POLE: variants seen among roughly 807,000 people sequenced by gnomAD.
POLE encodes DNA polymerase epsilon, catalytic subunit, also known as DNA polymerase epsilon catalytic subunit A.
Under a neutral mutation model 279.2 loss-of-function variants are expected in POLE, and 188 were observed. The ratio of observed to expected loss-of-function variants is 0.67; its 90% CI spans 0.60 to 0.76. The LOEUF (loss-of-function observed/expected upper bound fraction) is 0.76, where lower values mean the gene tolerates loss of function less well. Ranked by LOEUF, POLE falls within the 30% of genes least tolerant of loss-of-function variation. The pLI is 0.00. For missense variants in POLE, 2,703 were observed against 3,016.7 expected, an observed-to-expected ratio of 0.90 and a Z score of 2.44; for synonymous variants, 1,214 against 1,172.5, an observed-to-expected ratio of 1.04 and a Z score of -0.72.
chr12:132,624,690 GGGCT>G lies in POLE; in HGVS notation c.*3_*6del. 1 of 1,576,322 alleles carries G rather than the reference GGGCT, an allele frequency of 6.3e-7. No individual in the cohort carries two copies. Among genetic ancestry groups the G allele is most frequent in the Non-Finnish European group, 8.7e-7 (1 of 1,146,328 alleles). On this transcript the variant is annotated 3_prime_UTR_variant, in exon 49 of 49. Transcript: ENST00000320574. ...CGGACGCAGAGGCACCCGGGGCCCG[GGGCT>G]GGCTAATGGCCCAGCTGTGGGTTCT...
chr12:132,632,262 C>T, intron 45 of POLE, 53 bp downstream of exon 45: 1 of 1,414,370 alleles, frequency 7.1e-7, no homozygotes, highest in Non-Finnish European at 9.9e-7. Flanking sequence ...AACATTCTCG[C>T]CTTACACATG....
intron 20 of POLE, 144 bp downstream of exon 20, chr12:132,667,359 C>A (rs2042819638): frequency 1.2e-6 from 1 of 865,372 alleles, no homozygotes; most frequent in East Asian, 2.5e-5. Flanking sequence ...ATCAACTCTT[C>A]CAAGTCAAAA....
At chr12:132,640,116 C>T (rs886603942) in intron 39 of POLE, among the ~76,000 whole-genome samples, 3 of 152,170 alleles carry the variant, frequency 2.0e-5, no homozygotes, top group Non-Finnish European at 4.4e-5. Context: ...TTCAGGCGCT[C>T]GCCCGTGAAC....
At chr12:132,654,722 G>GT (rs1329782642) in intron 29 of POLE, among the ~76,000 whole-genome samples, 3 of 152,096 alleles carry the variant, frequency 2.0e-5, no homozygotes, top group Admixed American at 6.5e-5. Flanking sequence ...AGCCTGGGAG[G>GT]TCAAGGCTGC....
At position 132,643,836 on chromosome 12, in the gene POLE, C is replaced by A; in HGVS notation, c.4290+1G>T. ...TCAGTCGAGGGTGGCTGGGGAGTCA[C>A]CTGAGTCTCATATACGCCCTCGATG... On this transcript the variant is annotated splice_donor_variant, in intron 33 of 48. Coordinates refer to ENST00000320574, the MANE Select transcript of POLE (RefSeq NM_006231.4). LOFTEE classifies it high-confidence loss of function. 6.2e-7 allele frequency: 1 copy of A among 1,613,250 alleles called. No homozygotes were observed. Among genetic ancestry groups the A allele is most frequent in the South Asian group, 1.1e-5 (1 of 91,058 alleles).
At chr12:132,659,818 A>C (rs909289300) in intron 25 of POLE, 10 of 309,474 alleles carry the variant, frequency 3.2e-5, no homozygotes, top group African/African-American at 1.9e-4. Context: ...CAGCCTCCCA[A>C]GTAGCTGAGA....
Position 132,679,957 on chromosome 12 carries a change from G to C in POLE, c.420C>G (p.Asp140Glu). 2.5e-6 allele frequency: 4 copies of C among 1,609,504 alleles called. No homozygotes were observed. In the South Asian group the frequency reaches 3.3e-5, roughly 13 times the overall value. The stretch of plus-strand genomic sequence containing the variant: ...GGAAAGTCTGGGTGATACTCACCAA[G>C]TCCAGATCCTCTTTGGGGACAGTCT... ...KVETVPKEDL[D>E]LPNHLVGLKR... Residue 140 changes from aspartate to glutamate, a missense_variant, in exon 5 of 49, where the codon GAC becomes GAG. Around this residue, in one of 5 missense-constraint regions of POLE, gnomAD observed 1,011 missense variants for 1,111.7 expected, o/e 0.91. Transcript: ENST00000320574.
chr12:132,640,986 G>A (rs1343229920), intron 39 of POLE: 2 of 456,534 alleles, frequency 4.4e-6, no homozygotes, highest in Non-Finnish European at 8.8e-6. Flanking sequence ...TACAGGCTCT[G>A]GAATTACAAA....
At position 132,632,469 on chromosome 12, in the gene POLE, A is replaced by C; in HGVS notation, c.6176T>G (p.Leu2059Arg). The change falls in exon 45 of 49, where the codon CTC (leucine) becomes CGC (arginine). Residue 2059 changes from leucine (L) to arginine (R), a missense_variant. Around this residue, in one of 5 missense-constraint regions of POLE, gnomAD observed 1,551 missense variants for 1,686.1 expected, o/e 0.92. Transcript: ENST00000320574. ...AGTGATGGTGAAGAAGCTCTGAGTG[A>C]GCTCATTTGCGACATAATCCTGAGA... ...TFSQDYVANE[L>R]TQSFFTITQK... The C allele has an allele frequency of 6.2e-7, 1 of 1,614,128 alleles. No individual in the cohort carries two copies. Among genetic ancestry groups the C allele is most frequent in the Non-Finnish European group, 8.5e-7 (1 of 1,179,986 alleles).
chr12:132,631,706 C>T lies in POLE; in HGVS notation c.6330+609G>A, dbSNP rs5745038. Among the ~76,000 whole-genome samples, 1,129 of 152,234 alleles carry T rather than the reference C, an allele frequency of 7.4e-3. 10 individuals are homozygous for T. Among genetic ancestry groups the T allele is most frequent in the South Asian group, 0.029 (139 of 4,822 alleles). On this transcript the variant is annotated intron_variant, in intron 45 of 48. Transcript: ENST00000320574. The stretch of plus-strand genomic sequence containing the variant: ...AGAAAGGCCTCAGCATCCGAGCAAG[C>T]TCTCATCTCATCAGCTCTGGGTCCT...
rs185007245 is a variant in POLE, at chr12:132,669,585, A to T, written c.1795-646T>A. Among the ~76,000 whole-genome samples, 66 of 152,364 alleles carry T rather than the reference A, an allele frequency of 4.3e-4. 1 individual carries two copies. The highest frequency in any genetic ancestry group is 2.9e-5 in the Non-Finnish European group (2 of 68,042). On this transcript the variant is annotated intron_variant, in intron 16 of 48. Coordinates refer to ENST00000320574, the MANE Select transcript of POLE (RefSeq NM_006231.4). ...AATAACATCTATTCCATAGAACAGGAAATACCACAACAGTAACACCTATTG... is the reference window on the plus strand; with the variant it reads ...AATAACATCTATTCCATAGAACAGGTAATACCACAACAGTAACACCTATTG...
Position 132,639,032 on chromosome 12 carries a change from G to C in POLE, c.5552+93C>G. On this transcript the variant is annotated intron_variant, in intron 40 of 48. Transcript: ENST00000320574. This position sits in a 1 kb window ranked among gnomAD's most constrained non-coding sequence, Gnocchi z 4.7. ...ACTCAGAAATACACTACTTATCCCA[G>C]AGGCACTGGCTGGCCATGTCTCTGG... The C allele has an allele frequency of 1.9e-6, 2 of 1,053,160 alleles. No individual in the cohort carries two copies. Among genetic ancestry groups the C allele is most frequent in the East Asian group, 4.8e-5 (2 of 42,028 alleles). 65.2% of individuals were successfully genotyped at this position (1,053,160 alleles called of 1,614,324 possible).
At position 132,667,594 on chromosome 12, in the gene POLE, A is replaced by G. The variant is rs2135970474; in HGVS notation, c.2228T>C (p.Leu743Pro). ...KIHITKVEER[L>P]TTICQRENSF... is the part of the protein sequence containing the mutation. ...GTTTTCCCGCTGGCAGATGGTGGTG[A>G]GACGCTCTTCCACCTTGGTGATGTG... The change falls in exon 20 of 49, where the codon CTC (leucine) becomes CCC (proline). Residue 743 changes from leucine (L) to proline (P), a missense_variant. Physicochemically the swap from Leu to Pro is moderately conservative, Grantham distance 98. Transcript: ENST00000320574. The G allele has an allele frequency of 6.2e-7, 1 of 1,613,360 alleles. No individual in the cohort carries two copies. The highest frequency in any genetic ancestry group is 8.5e-7 in the Non-Finnish European group (1 of 1,179,702).
chr12:132,656,994 C>T (rs775084902), intron 29 of POLE, 142 bp downstream of exon 29: 10 of 835,758 alleles, frequency 1.2e-5, no homozygotes, highest in Non-Finnish European at 1.7e-5. Context: ...GAGTAAAGTG[C>T]CAATGGGCAC....
chr12:132,633,008 T>A, intron 43 of POLE: 1 of 545,728 alleles, frequency 1.8e-6, no homozygotes. Context: ...CTGAGTTCAT[T>A]GTCAGAGAGA....
chr12:132,632,342 G>A lies in POLE; in HGVS notation c.6303C>T (p.Ala2101=), dbSNP rs751217923. ...TGCACACGTATTTGATGAACTCCAG[G>A]GCAGGGTTATTGAGCAGCAAGTGGG... ...PGSHLLLNNP[A]LEFIKYVCKV... is the part of the protein sequence containing the mutation. Residue 2101 remains alanine, a synonymous_variant, in exon 45 of 49, where the codon GCC becomes GCT. Transcript: ENST00000320574. 6.2e-7 allele frequency: 1 copy of A among 1,614,150 alleles called. No homozygotes were observed. The highest frequency in any genetic ancestry group is 1.1e-5 in the South Asian group (1 of 91,076).
chr12:132,652,383 G>C (rs577384312), intron 29 of POLE, among the ~76,000 whole-genome samples: 1 of 148,638 alleles, frequency 6.7e-6, no homozygotes, highest in African/African-American at 2.5e-5. Flanking sequence ...GAGTGCAGTG[G>C]TCATCTTGGC....
chr12:132,679,777 C>A, intron 5 of POLE, 126 bp from the exon 6 acceptor site: 1 of 1,149,966 alleles, frequency 8.7e-7, no homozygotes. Flanking sequence ...TTGTCCAACT[C>A]TGCACGTGGC....
chr12:132,663,583 A>G (rs1157970675), intron 23 of POLE, among the ~76,000 whole-genome samples: 1 of 152,094 alleles, frequency 6.6e-6, no homozygotes, highest in East Asian at 1.9e-4. Context: ...ATCCTGGGAG[A>G]GAAGAGGGGC....
Sources: allele counts gnomAD v4.1 joint callset (sites outside exome capture counted in the v4.1 genomes callset), GRCh38; gene constraint gnomAD v4.1.1; regional missense constraint gnomAD v4.1.1; non-coding constraint Gnocchi (gnomAD v3.1); transcripts MANE v1.5; gene names NCBI Gene and HGNC (gene_info 2026-07-23, HGNC 2026-07-21).